PFKL: variants seen among roughly 807,000 people sequenced by gnomAD.
PFKL encodes the protein phosphofructokinase, liver type.
In PFKL, 74 loss-of-function variants were observed where a neutral mutation model predicts 92.1. That is an observed-to-expected ratio of 0.80 (90% CI 0.67 to 0.97). The LOEUF (loss-of-function observed/expected upper bound fraction) is 0.97. PFKL is among the 50% of genes least tolerant of loss of function. The pLI, the probability that PFKL is intolerant of heterozygous loss-of-function variation, is 0.00. For synonymous variants in PFKL, 494 were observed against 456.4 expected (o/e 1.08, Z -1.05); for missense variants, 1,028 against 1,116.6 (o/e 0.92, Z 1.13).
rs750731287 is a variant in PFKL, at chr21:44,322,176, G to A, written c.1382G>A (p.Arg461His). The change falls in exon 14 of 22, where the codon CGT becomes CAT. Residue 461 changes from arginine (R) to histidine (H), a missense_variant. Transcript: ENST00000349048. ...GWHDVAGWLG[R>H]GGSMLGTKRT... ...CACGACGTGGCCGGCTGGTTGGGGCGTGGTGGCTCCATGCTGGGGACCAAG... is the reference window on the plus strand; with the variant it reads ...CACGACGTGGCCGGCTGGTTGGGGCATGGTGGCTCCATGCTGGGGACCAAG... 31 of 1,604,694 alleles carry A rather than the reference G, an allele frequency of 1.9e-5. No individual in the cohort carries two copies. Among genetic ancestry groups the A allele is most frequent in the East Asian group, 6.7e-5 (3 of 44,836 alleles).
intron 9 of PFKL, among the ~76,000 whole-genome samples, 158 bp downstream of exon 9, chr21:44,316,682 C>T (rs766952837): frequency 2.6e-5 from 4 of 150,948 alleles, no homozygotes; most frequent in Middle Eastern, 3.4e-3. Context: ...GTGTGGGGGA[C>T]GCGTGGTCCT....
chr21:44,323,877 T>A lies in PFKL; in HGVS notation c.1609T>A (p.Phe537Ile). The A allele has an allele frequency of 6.2e-7, 1 of 1,613,550 alleles. No homozygotes were observed. Among genetic ancestry groups the A allele is most frequent in the South Asian group, 1.1e-5 (1 of 91,090 alleles). ...TISNNVPGTD[F>I]SLGSDTAVNA... Reference sequence around the variant, plus strand: ...CAGCAACAACGTCCCTGGCACCGACTTCAGCCTGGGCTCCGACACTGCTGT... The same window carrying A: ...CAGCAACAACGTCCCTGGCACCGACATCAGCCTGGGCTCCGACACTGCTGT... Residue 537 changes from phenylalanine to isoleucine, a missense_variant, in exon 16 of 22, where the codon TTC becomes ATC. Physicochemically the swap from Phe to Ile is conservative, Grantham distance 21. Coordinates refer to ENST00000349048, the MANE Select transcript of PFKL (RefSeq NM_002626.6).
chr21:44,325,739 C>T (rs1347862499), intron 19 of PFKL: 5 of 566,580 alleles, frequency 8.8e-6, no homozygotes, highest in Non-Finnish European at 1.3e-5. Context: ...CAGGGGCAGC[C>T]GACTGCCGGC....
intron 1 of PFKL, chr21:44,305,697 T>A: frequency 1.7e-6 from 2 of 1,173,456 alleles, no homozygotes; most frequent in Non-Finnish European, 2.3e-6. Context: ...TTGTATGAAG[T>A]CATGGATATC....
At chr21:44,300,651 C>A (rs1333582611) in intron 1 of PFKL, among the ~76,000 whole-genome samples, 1 of 152,236 alleles carries the variant, frequency 6.6e-6, no homozygotes, top group East Asian at 1.9e-4. Flanking sequence ...CACTCCCGGA[C>A]CGCGCCTCCT....
chr21:44,322,350 C>T (rs1003420937), intron 14 of PFKL, 147 bp downstream of exon 14: 48 of 704,606 alleles, frequency 6.8e-5, no homozygotes, highest in African/African-American at 4.3e-4. Flanking sequence ...GCAGGCTTCA[C>T]GCCTCCTGCC....
chr21:44,317,987 C>T lies in PFKL; in HGVS notation c.937-483C>T, dbSNP rs743485. Among the ~76,000 whole-genome samples, 857 of 152,374 alleles carry T rather than the reference C, an allele frequency of 5.6e-3. 8 individuals carry two copies. The highest frequency in any genetic ancestry group is 0.02 in the African/African-American group (819 of 41,582). ...GCCTGGCTTTCTTGTCCACTGTGGC[C>T]GGTTCCCGGGGTGGGGCTGGGGCCT... On this transcript the variant is annotated intron_variant, in intron 9 of 21. Coordinates refer to ENST00000349048, the MANE Select transcript of PFKL (RefSeq NM_002626.6).
At chr21:44,325,920 G>T in intron 19 of PFKL, 41 bp from the exon 20 acceptor site, 3 of 1,516,184 alleles carry the variant, frequency 2.0e-6, no homozygotes, top group Non-Finnish European at 2.7e-6. Flanking sequence ...GGCCCAGGCA[G>T]CCCAGGGGAG....
At chr21:44,306,964 C>G (rs555764537) in intron 2 of PFKL, among the ~76,000 whole-genome samples, 1 of 152,216 alleles carries the variant, frequency 6.6e-6, no homozygotes, top group African/African-American at 2.4e-5. Flanking sequence ...GGACTCAGCC[C>G]GGCTGGAGGC....
Position 44,313,963 on chromosome 21 carries a change from T to C in PFKL, c.689T>C (p.Ile230Thr). Reference sequence around the variant, plus strand: ...GCCTCAGGGGCCGACTGGCTGTTCATCCCCGAGGCTCCACCCGAGGACGGC... The same window carrying C: ...GCCTCAGGGGCCGACTGGCTGTTCACCCCCGAGGCTCCACCCGAGGACGGC... ...ALASGADWLF[I>T]PEAPPEDGWE... Residue 230 changes from isoleucine to threonine, a missense_variant, in exon 7 of 22, where the codon ATC becomes ACC. Physicochemically the swap from Ile to Thr is moderately conservative, Grantham distance 89. Transcript: ENST00000349048. The C allele has an allele frequency of 1.2e-6, 2 of 1,608,098 alleles. No individual in the cohort carries two copies. The highest frequency in any genetic ancestry group is 2.2e-5 in the East Asian group (1 of 44,708).
chr21:44,310,436 G>C (rs1470972922), intron 2 of PFKL, among the ~76,000 whole-genome samples: 1 of 152,202 alleles, frequency 6.6e-6, no homozygotes, highest in African/African-American at 2.4e-5. Flanking sequence ...AGCTCCCTCG[G>C]GTGGGGGCCC....
intron 11 of PFKL, chr21:44,319,698 G>A: frequency 1.8e-6 from 1 of 546,778 alleles, no homozygotes; most frequent in Non-Finnish European, 3.3e-6. Flanking sequence ...ACATGGGGTG[G>A]CCCCGCGGGG....
intron 2 of PFKL, among the ~76,000 whole-genome samples, chr21:44,310,385 G>A (rs963330194): frequency 1.3e-4 from 20 of 152,188 alleles, no homozygotes; most frequent in African/African-American, 4.6e-4. Flanking sequence ...GGGTGTTGCC[G>A]GCCCTACGAG....
chr21:44,308,315 C>T (rs2041012127), intron 2 of PFKL, among the ~76,000 whole-genome samples: 2 of 152,100 alleles, frequency 1.3e-5, no homozygotes, highest in South Asian at 4.1e-4. Context: ...GGCTTTAGCT[C>T]AGAAACATCC....
At chr21:44,304,610 G>A (rs893901489) in intron 1 of PFKL, among the ~76,000 whole-genome samples, 5 of 125,020 alleles carry the variant, frequency 4.0e-5, no homozygotes, top group African/African-American at 6.7e-5. Flanking sequence ...GCACCACCTT[G>A]GACGCCCAGC....
At chr21:44,314,105 C>A in intron 7 of PFKL, 84 bp downstream of exon 7, 3 of 901,868 alleles carry the variant, frequency 3.3e-6, no homozygotes, top group Non-Finnish European at 5.3e-6. Flanking sequence ...CAGCCTTGAC[C>A]AACTCATCTA....
chr21:44,321,732 A>G lies in PFKL; in HGVS notation c.1195A>G (p.Asn399Asp), dbSNP rs374181946. 1.3e-6 allele frequency: 2 copies of G among 1,565,032 alleles called. No homozygotes were observed. The highest frequency in any genetic ancestry group is 1.7e-6 in the Non-Finnish European group (2 of 1,155,676). Residue 399 changes from asparagine (N) to aspartate (D), a missense_variant, in exon 13 of 22, where the codon AAC becomes GAC. By Grantham distance (23) the Asn-to-Asp change is conservative. Coordinates refer to ENST00000349048, the MANE Select transcript of PFKL (RefSeq NM_002626.6). ...AHQKPPKEKS[N>D]FSLAILNVGA... is the part of the protein sequence containing the mutation. ...TCATCTCCCCTTCTCTCTGAAGTCT[A>G]ACTTCTCCCTGGCCATCCTGAATGT...
intron 1 of PFKL, among the ~76,000 whole-genome samples, chr21:44,301,106 C>T (rs1445145495): frequency 6.6e-6 from 1 of 152,228 alleles, no homozygotes; most frequent in Non-Finnish European, 1.5e-5. Flanking sequence ...TGCGGACACA[C>T]ACCCCCACCC....
chr21:44,316,400 G>A, intron 8 of PFKL, 32 bp from the exon 9 acceptor site: 1 of 1,611,940 alleles, frequency 6.2e-7, no homozygotes, highest in Non-Finnish European at 8.5e-7. Context: ...GTGGGCTGGG[G>A]CTCAGGGCTG....
Sources: allele counts gnomAD v4.1 joint callset (sites outside exome capture counted in the v4.1 genomes callset), GRCh38; gene constraint gnomAD v4.1.1; transcripts MANE v1.5; gene names NCBI Gene and HGNC (gene_info 2026-07-23, HGNC 2026-07-21).